UCHL3: variants seen among roughly 807,000 people sequenced by gnomAD.
The protein encoded by UCHL3 is ubiquitin carboxyl-terminal hydrolase isozyme L3.
A neutral mutation model predicts 35.8 loss-of-function variants in UCHL3; 22 were observed. That is an observed-to-expected ratio of 0.61 (90% confidence interval 0.44 to 0.88). UCHL3 has a LOEUF of 0.88. Among genes scored for constraint, UCHL3 ranks in the 40% least tolerant of loss-of-function variants. The pLI is 0.00. For missense variants in UCHL3, 229 were observed against 276.9 expected, an observed-to-expected ratio of 0.83 and a Z score of 1.23; for synonymous variants, 90 against 92.8, an observed-to-expected ratio of 0.97 and a Z score of 0.17.
intron 6 of UCHL3, among the ~76,000 whole-genome samples, chr13:75,590,807 G>C (rs1315613690): frequency 1.3e-5 from 2 of 152,070 alleles, no homozygotes; most frequent in Non-Finnish European, 2.9e-5. Flanking sequence ...TCTTTCATAG[G>C]CTAATGATAT....
intron 6 of UCHL3, among the ~76,000 whole-genome samples, chr13:75,579,528 T>G (rs986035146): frequency 8.0e-4 from 121 of 152,164 alleles, no homozygotes; most frequent in African/African-American, 2.6e-3. Context: ...TTTCCCCTTT[T>G]CTCTCCCTCC....
chr13:75,601,153 A>C (rs1340722111), intron 7 of UCHL3, among the ~76,000 whole-genome samples: 1 of 152,246 alleles, frequency 6.6e-6, no homozygotes, highest in Non-Finnish European at 1.5e-5. Context: ...ATGAGCAAAT[A>C]AACTGATTTC....
intron 2 of UCHL3, among the ~76,000 whole-genome samples, chr13:75,553,630 C>T (rs918241595): frequency 1.3e-5 from 2 of 150,158 alleles, no homozygotes; most frequent in Non-Finnish European, 3.0e-5. Flanking sequence ...GTTTTCTTGC[C>T]CTAGTAATGT....
chr13:75,562,492 A>ATAAC (rs2031549486), intron 3 of UCHL3, among the ~76,000 whole-genome samples: 2 of 152,256 alleles, frequency 1.3e-5, no homozygotes, highest in African/African-American at 4.8e-5. Flanking sequence ...AAGCCAACAG[A>ATAAC]TAACTATTCC....
At chr13:75,589,039 A>ATT (rs143629592) in intron 6 of UCHL3, among the ~76,000 whole-genome samples, 132 of 152,306 alleles carry the variant, frequency 8.7e-4, no homozygotes, top group African/African-American at 3.1e-3. Flanking sequence ...CCTTATCAGA[A>ATT]TTATTTCTCT....
At chr13:75,549,744 C>G, upstream of UCHL3, 2 of 1,449,416 alleles carry the variant, frequency 1.4e-6, no homozygotes, top group Middle Eastern at 2.5e-4. Context: ...GGGCCCAGGT[C>G]AAGGCGCGCG....
At chr13:75,578,229 T>C (rs940263436) in intron 6 of UCHL3, among the ~76,000 whole-genome samples, 3 of 130,178 alleles carry the variant, frequency 2.3e-5, no homozygotes, top group Non-Finnish European at 3.5e-5. Flanking sequence ...TATACTATCA[T>C]GTGAGTAAAC....
intron 6 of UCHL3, among the ~76,000 whole-genome samples, chr13:75,577,366 A>G (rs2032055962): frequency 6.6e-6 from 1 of 152,222 alleles, no homozygotes; most frequent in Non-Finnish European, 1.5e-5. Context: ...TTTTTATAAC[A>G]TTTACATTGT....
intron 2 of UCHL3, among the ~76,000 whole-genome samples, chr13:75,557,590 G>A (rs768918574): frequency 3.3e-5 from 5 of 152,120 alleles, no homozygotes; most frequent in African/African-American, 1.2e-4. Flanking sequence ...TGATGTAAAT[G>A]GGATGCTTCT....
intron 6 of UCHL3, among the ~76,000 whole-genome samples, chr13:75,588,471 G>A (rs545768163): frequency 1.3e-5 from 2 of 152,132 alleles, no homozygotes; most frequent in East Asian, 1.9e-4. Context: ...AACTATATCT[G>A]TGAGAGAAGA....
intron 7 of UCHL3, 76 bp from the exon 8 acceptor site, chr13:75,604,693 A>G (rs1455054618): frequency 3.2e-6 from 4 of 1,253,582 alleles, no homozygotes; most frequent in Middle Eastern, 1.9e-4. Flanking sequence ...CACTGGGGGA[A>G]GAGGAAAATG....
intron 6 of UCHL3, chr13:75,590,014 C>A (rs578223221): frequency 1.1e-5 from 14 of 1,304,800 alleles, no homozygotes; most frequent in Middle Eastern, 4.3e-4. Context: ...CACCATGCAT[C>A]CCTGCCCTGG....
In UCHL3 at chr13:75,551,607, CAT is replaced by C. The variant is rs556035761; in HGVS notation, c.54+1623_54+1624del. Among the ~76,000 whole-genome samples, 241 of 152,196 alleles carry C rather than the reference CAT, an allele frequency of 1.6e-3. 1 individual carries two copies. The highest frequency in any genetic ancestry group is 5.5e-3 in the African/African-American group (229 of 41,538). ...GCAGCAATAAATATATAAAAAGTAA[CAT>C]ATGACCAAGAGCAGTTTATCCTGGT... On this transcript the variant is annotated intron_variant, in intron 2 of 8. Transcript: ENST00000377595.
At chr13:75,584,102 G>A (rs2032258446) in intron 6 of UCHL3, among the ~76,000 whole-genome samples, 2 of 152,158 alleles carry the variant, frequency 1.3e-5, no homozygotes, top group South Asian at 4.1e-4. Flanking sequence ...CCTGGGGAAG[G>A]GAAGAGATAA....
intron 2 of UCHL3, among the ~76,000 whole-genome samples, chr13:75,553,623 T>C (rs1232482601): frequency 6.6e-6 from 1 of 151,260 alleles, no homozygotes; most frequent in Non-Finnish European, 1.5e-5. Flanking sequence ...TTTATGTGTT[T>C]TCTTGCCCTA....
At chr13:75,551,036 T>G (rs1199315851) in intron 2 of UCHL3, among the ~76,000 whole-genome samples, 1 of 152,196 alleles carries the variant, frequency 6.6e-6, no homozygotes, top group East Asian at 1.9e-4. Flanking sequence ...TGCTGAGAGT[T>G]TTTCTTATGA....
chr13:75,559,005 C>CCAT (rs1194150266), intron 2 of UCHL3, among the ~76,000 whole-genome samples: 2 of 150,322 alleles, frequency 1.3e-5, no homozygotes, highest in African/African-American at 4.9e-5. Context: ...GTAGAGGAGC[C>CCAT]CATTGATCTC....
chr13:75,585,527 A>G (rs1237034442), intron 6 of UCHL3, among the ~76,000 whole-genome samples: 2 of 152,156 alleles, frequency 1.3e-5, no homozygotes, highest in African/African-American at 4.8e-5. Context: ...GAATTTCATT[A>G]TGCTGAAACA....
rs2032933869 is a variant in UCHL3, at chr13:75,605,945, C to T, written c.*133C>T. On this transcript the variant is annotated 3_prime_UTR_variant, in exon 9 of 9. Transcript: ENST00000377595. ...TTATGTGAGTTAAACTTTGCCTTAACCTGTGTTTTATGTTATTTTTGCTCC... is the reference window on the plus strand; with the variant it reads ...TTATGTGAGTTAAACTTTGCCTTAATCTGTGTTTTATGTTATTTTTGCTCC... 2.5e-6 allele frequency: 2 copies of T among 812,288 alleles called. No homozygotes were observed. Among genetic ancestry groups the T allele is most frequent in the South Asian group, 1.9e-5 (1 of 52,796 alleles). 50.3% of individuals were successfully genotyped at this position (812,288 alleles called of 1,614,324 possible). A position where few individuals can be genotyped will look rare whatever the true frequency, so the allele number is the denominator to read the frequency against.
Sources: allele counts gnomAD v4.1 joint callset (sites outside exome capture counted in the v4.1 genomes callset), GRCh38; gene constraint gnomAD v4.1.1; transcripts MANE v1.5; gene names NCBI Gene and HGNC (gene_info 2026-07-23, HGNC 2026-07-21).